The following MRAS variants were observed in gnomAD, a reference collection of about 807,000 sequenced individuals.
MRAS encodes muscle RAS oncogene homolog.
MRAS carries 4 observed loss-of-function variants against 20.9 expected under a neutral mutation model. The ratio of observed to expected loss-of-function variants is 0.19; its 90% CI spans 0.09 to 0.44. The LOEUF is 0.44. MRAS is among the 20% of genes least tolerant of loss of function. MRAS has a pLI of 0.99. For missense variants in MRAS, 154 were observed against 277.5 expected (o/e 0.56, Z 3.16); for synonymous variants, 98 against 102.9 (o/e 0.95, Z 0.29).
intron 2 of MRAS, among the ~76,000 whole-genome samples, chr3:138,392,059 A>G (rs2055142425): frequency 6.6e-6 from 1 of 152,110 alleles, no homozygotes; most frequent in Non-Finnish European, 1.5e-5. Context: ...AATCGCTGGA[A>G]CCCGGCAGGC....
rs575155037 is a variant in MRAS, at chr3:138,397,234, A to ACAGCAG, written c.194-80_194-75dup. On this transcript the variant is annotated intron_variant, in intron 2 of 5. Coordinates refer to ENST00000423968, the MANE Select transcript of MRAS (RefSeq NM_001085049.3). ...CAGCTCGGACTGGGCCACGGTAGGGACAGCAGCAGCAGCAGTGTTGGAGTC... is the reference window on the plus strand; with the variant it reads ...CAGCTCGGACTGGGCCACGGTAGGGACAGCAGCAGCAGCAGCAGCAGTGTTGGAGTC... 5 of 1,477,420 alleles carry ACAGCAG rather than the reference A, an allele frequency of 3.4e-6. No individual in the cohort carries two copies. In the African/African-American group the frequency reaches 6.9e-5, roughly 20 times the overall value. 91.5% of individuals were successfully genotyped at this position (1,477,420 alleles called of 1,614,324 possible). A position where few individuals can be genotyped will look rare whatever the true frequency, so the allele number is the denominator to read the frequency against.
intron 1 of MRAS, among the ~76,000 whole-genome samples, chr3:138,365,370 A>C (rs58458368): frequency 6.6e-6 from 1 of 152,166 alleles, no homozygotes; most frequent in Non-Finnish European, 1.5e-5. Flanking sequence ...CCGAATACTG[A>C]TGGGAAAGAC....
intron 5 of MRAS, among the ~76,000 whole-genome samples, chr3:138,401,621 T>C (rs1486008959): frequency 1.3e-5 from 2 of 152,166 alleles, no homozygotes; most frequent in Non-Finnish European, 1.5e-5. Context: ...TGAAATGCCA[T>C]CTTTACAAAA....
At chr3:138,360,936 G>T (rs1393525748) in intron 1 of MRAS, among the ~76,000 whole-genome samples, 2 of 152,214 alleles carry the variant, frequency 1.3e-5, no homozygotes, top group Non-Finnish European at 2.9e-5. Context: ...GGCATGCCGA[G>T]CTTTCAGGTC....
chr3:138,364,160 C>G (rs1576349234), intron 1 of MRAS, among the ~76,000 whole-genome samples: 1 of 152,080 alleles, frequency 6.6e-6, no homozygotes, highest in Non-Finnish European at 1.5e-5. Context: ...AGCTGAGCCC[C>G]CACACACATA....
chr3:138,387,335 G>A (rs2055038321), intron 2 of MRAS, among the ~76,000 whole-genome samples: 1 of 152,222 alleles, frequency 6.6e-6, no homozygotes. Context: ...GCAGGAAGCA[G>A]CCTCCAGGCT....
chr3:138,379,933 A>G (rs1053456217), intron 2 of MRAS, among the ~76,000 whole-genome samples: 3 of 152,126 alleles, frequency 2.0e-5, no homozygotes, highest in Non-Finnish European at 4.4e-5. Flanking sequence ...ATACTAGTTT[A>G]TATTCCCACC....
chr3:138,351,914 T>C (rs965193168), intron 1 of MRAS, among the ~76,000 whole-genome samples: 4 of 152,224 alleles, frequency 2.6e-5, no homozygotes, highest in African/African-American at 9.6e-5. Context: ...AAACCAGCCC[T>C]GGATCCCAGT....
intron 1 of MRAS, among the ~76,000 whole-genome samples, chr3:138,351,456 G>T (rs1422538732): frequency 1.3e-5 from 2 of 152,160 alleles, no homozygotes; most frequent in African/African-American, 4.8e-5. Flanking sequence ...AGTTCCCTGA[G>T]ACCTGGGACA....
chr3:138,369,610 C>A (rs955961497), intron 1 of MRAS, among the ~76,000 whole-genome samples: 2 of 152,060 alleles, frequency 1.3e-5, no homozygotes, highest in African/African-American at 4.8e-5. Flanking sequence ...TCACAAGGGG[C>A]CCAGTCTGAT....
intron 1 of MRAS, among the ~76,000 whole-genome samples, chr3:138,364,292 G>A (rs2054517166): frequency 6.6e-6 from 1 of 152,186 alleles, no homozygotes; most frequent in Non-Finnish European, 1.5e-5. Flanking sequence ...GGAGAAGCAG[G>A]AGGAGGGACT....
Position 138,402,327 on chromosome 3 carries a change from C to A in MRAS, c.*58C>A. ...CCTGGCCAGCCCTCGGGACCCCTCC[C>A]CACCTAACTGCACTGAAACCATTTC... On this transcript the variant is annotated 3_prime_UTR_variant, in exon 6 of 6. Transcript: ENST00000423968. 7.1e-7 allele frequency: 1 copy of A among 1,412,162 alleles called. No individual in the cohort carries two copies. 87.5% of individuals were successfully genotyped at this position (1,412,162 alleles called of 1,614,324 possible).
intron 2 of MRAS, among the ~76,000 whole-genome samples, chr3:138,379,248 C>T (rs1479871501): frequency 6.6e-6 from 1 of 152,070 alleles, no homozygotes; most frequent in Non-Finnish European, 1.5e-5. Flanking sequence ...ACTGTTTTAG[C>T]TCCCACATAT....
intron 1 of MRAS, 57 bp downstream of exon 1, chr3:138,348,824 C>G (rs1273551237): frequency 1.3e-5 from 2 of 151,634 alleles, no homozygotes; most frequent in Non-Finnish European, 2.9e-5. Flanking sequence ...CCTCTCGCCC[C>G]GGCCGTCGCT....
intron 1 of MRAS, among the ~76,000 whole-genome samples, chr3:138,369,897 A>G (rs2054638769): frequency 6.6e-6 from 1 of 152,206 alleles, no homozygotes; most frequent in African/African-American, 2.4e-5. Context: ...CATATTTACT[A>G]GTGTATTTCT....
intron 2 of MRAS, among the ~76,000 whole-genome samples, chr3:138,379,863 C>T (rs1027287757): frequency 6.6e-6 from 1 of 152,150 alleles, no homozygotes; most frequent in African/African-American, 2.4e-5. Flanking sequence ...ATTGCTGGAC[C>T]ATATGGTAGC....
chr3:138,395,221 A>G (rs898935260), intron 2 of MRAS, among the ~76,000 whole-genome samples: 3 of 151,836 alleles, frequency 2.0e-5, no homozygotes, highest in African/African-American at 7.3e-5. Context: ...TTGTATTTTT[A>G]GTAGAGACGG....
At position 138,392,940 on chromosome 3, in the gene MRAS, C is replaced by T. The variant is rs78033207; in HGVS notation, c.194-4384C>T. Among the ~76,000 whole-genome samples the T allele has an allele frequency of 6.4e-3, 971 of 151,954 alleles. 7 individuals are homozygous for T. The highest frequency in any genetic ancestry group is 0.023 in the African/African-American group (934 of 41,418). On this transcript the variant is annotated intron_variant, in intron 2 of 5. Coordinates refer to ENST00000423968, the MANE Select transcript of MRAS (RefSeq NM_001085049.3). Reference sequence around the variant, plus strand: ...TTGGATTGGTTTCATTTACTTTGTCCTGTTTTTCCTCTGTTGCTTAGGAAG... The same window carrying T: ...TTGGATTGGTTTCATTTACTTTGTCTTGTTTTTCCTCTGTTGCTTAGGAAG...
chr3:138,396,596 C>T (rs957338165), intron 2 of MRAS, among the ~76,000 whole-genome samples: 2 of 152,246 alleles, frequency 1.3e-5, no homozygotes, highest in Non-Finnish European at 2.9e-5. Flanking sequence ...TGGGATGAGA[C>T]TTTCCCTCAG....
Sources: allele counts gnomAD v4.1 joint callset (sites outside exome capture counted in the v4.1 genomes callset), GRCh38; gene constraint gnomAD v4.1.1; transcripts MANE v1.5; gene names NCBI Gene and HGNC (gene_info 2026-07-23, HGNC 2026-07-21).